ITCH: variants seen among roughly 807,000 people sequenced by gnomAD.
ITCH encodes the protein E3 ubiquitin-protein ligase Itchy homolog.
In ITCH, 28 loss-of-function variants were observed where a neutral mutation model predicts 126.8. The observed-to-expected ratio is 0.22, with a 90% CI of 0.16 to 0.30. The LOEUF is 0.30. Ranked by LOEUF, ITCH falls within the 10% of genes least tolerant of loss-of-function variation. The pLI is 1.00. For synonymous variants in ITCH, 342 were observed against 340.0 expected (o/e 1.01, Z -0.06); for missense variants, 631 against 1,032.4 (o/e 0.61, Z 5.33).
intron 22 of ITCH, among the ~76,000 whole-genome samples, chr20:34,491,387 A>G (rs1600485884): frequency 6.6e-6 from 1 of 152,238 alleles, no homozygotes; most frequent in Non-Finnish European, 1.5e-5. Context: ...ATGGGTTACC[A>G]GAAGTTGCAG....
chr20:34,397,893 T>G (rs370434859), intron 3 of ITCH, among the ~76,000 whole-genome samples: 1 of 152,180 alleles, frequency 6.6e-6, no homozygotes, highest in African/African-American at 2.4e-5. Flanking sequence ...ATACATTTTA[T>G]TTTTTACTGA....
chr20:34,455,615 G>A (rs922315358), intron 12 of ITCH, among the ~76,000 whole-genome samples: 2 of 148,186 alleles, frequency 1.3e-5, no homozygotes, highest in East Asian at 2.0e-4. Flanking sequence ...GGTGCACACC[G>A]CCATGCCTGG....
chr20:34,419,603 C>T (rs772081367), intron 6 of ITCH, among the ~76,000 whole-genome samples: 5 of 152,134 alleles, frequency 3.3e-5, no homozygotes, highest in South Asian at 2.1e-4. Flanking sequence ...CTCAGCCTCC[C>T]GAGTAGTTGG....
At chr20:34,503,609 A>T (rs190185182) in intron 23 of ITCH, among the ~76,000 whole-genome samples, 1 of 152,186 alleles carries the variant, frequency 6.6e-6, no homozygotes, top group South Asian at 2.1e-4. Context: ...TTGTCTTTCA[A>T]ACTACTAAAA....
intron 2 of ITCH, among the ~76,000 whole-genome samples, chr20:34,389,361 T>A (rs1303102406): frequency 6.6e-6 from 1 of 152,208 alleles, no homozygotes; most frequent in South Asian, 2.1e-4. Context: ...TAAGTGGATC[T>A]GTGCAGTTCA....
chr20:34,419,574 G>C (rs769813908), intron 6 of ITCH, among the ~76,000 whole-genome samples: 2 of 151,948 alleles, frequency 1.3e-5, no homozygotes, highest in Non-Finnish European at 2.9e-5. Flanking sequence ...CTCCTTCCGG[G>C]TTCAGGCAAT....
chr20:34,467,696 T>G (rs1200465516), intron 14 of ITCH, among the ~76,000 whole-genome samples: 1 of 145,268 alleles, frequency 6.9e-6, no homozygotes, highest in Non-Finnish European at 1.5e-5. Flanking sequence ...TTTTTTTTTT[T>G]TTTTTTGAGA....
At chr20:34,451,758 A>G (rs908596786) in intron 12 of ITCH, among the ~76,000 whole-genome samples, 1 of 152,112 alleles carries the variant, frequency 6.6e-6, no homozygotes, top group African/African-American at 2.4e-5. Flanking sequence ...TCCAAAGGAT[A>G]TGTATTTATC....
At position 34,476,262 on chromosome 20, in the gene ITCH, A is replaced by G. The variant is rs1988207345; in HGVS notation, c.1570-1510A>G. 3 of 824,350 alleles carry G rather than the reference A, an allele frequency of 3.6e-6. No homozygotes were observed. In the South Asian group the frequency reaches 4.0e-5, roughly 11 times the overall value. The allele number at this position is 824,350 out of a possible 1,614,324, so 51.1% of individuals were successfully genotyped here. A position where few individuals can be genotyped will look rare whatever the true frequency, so the allele number is the denominator to read the frequency against. On this transcript the variant is annotated intron_variant, in intron 16 of 24. Coordinates refer to ENST00000374864, the MANE Select transcript of ITCH (RefSeq NM_031483.7). The stretch of plus-strand genomic sequence containing the variant: ...TTAATGTTTCACCATCACAGTTTAT[A>G]AAGTGGACTGTCACTTTATCTTCTG...
intron 23 of ITCH, among the ~76,000 whole-genome samples, chr20:34,501,598 A>G (rs912082694): frequency 6.6e-6 from 1 of 152,132 alleles, no homozygotes; most frequent in African/African-American, 2.4e-5. Flanking sequence ...CAACATGGAG[A>G]AACCGTATCT....
intron 16 of ITCH, among the ~76,000 whole-genome samples, chr20:34,473,478 C>G (rs1172873311): frequency 6.6e-6 from 1 of 152,136 alleles, no homozygotes; most frequent in Non-Finnish European, 1.5e-5. Context: ...AATGGCGCCA[C>G]CTGGGGCTGT....
chr20:34,445,486 C>T (rs754486287), intron 11 of ITCH, 25 bp downstream of exon 11: 12 of 1,608,130 alleles, frequency 7.5e-6, no homozygotes, highest in African/African-American at 1.3e-5. Flanking sequence ...GTTTAATAAA[C>T]TAATAAGAGT....
intron 9 of ITCH, 24 bp downstream of exon 9, chr20:34,440,368 T>C: frequency 6.4e-7 from 1 of 1,550,756 alleles, no homozygotes; most frequent in South Asian, 1.1e-5. Context: ...TAAATTAACA[T>C]ATGTTGTCTT....
chr20:34,408,055 A>G (rs895605820), intron 3 of ITCH, among the ~76,000 whole-genome samples: 1 of 152,158 alleles, frequency 6.6e-6, no homozygotes, highest in African/African-American at 2.4e-5. Context: ...CCACCTGAGT[A>G]GCTGAGATTA....
chr20:34,481,290 T>C, intron 20 of ITCH, 84 bp downstream of exon 20: 1 of 1,367,152 alleles, frequency 7.3e-7, no homozygotes, highest in South Asian at 1.2e-5. Flanking sequence ...GGAGAGTATC[T>C]CCAAAAATAG....
intron 3 of ITCH, among the ~76,000 whole-genome samples, chr20:34,400,016 G>T (rs575509802): frequency 6.6e-6 from 1 of 151,886 alleles, no homozygotes; most frequent in East Asian, 1.9e-4. Context: ...TTGGCTCACT[G>T]CAACCTCTGA....
At chr20:34,495,294 AATAT>A (rs56706640) in intron 23 of ITCH, among the ~76,000 whole-genome samples, 228 of 120,498 alleles carry the variant, frequency 1.9e-3, no homozygotes, top group Non-Finnish European at 2.9e-3. Flanking sequence ...AAATAAATAA[AATAT>A]ATATATATAT....
intron 12 of ITCH, among the ~76,000 whole-genome samples, chr20:34,451,980 G>C (rs146002169): frequency 6.7e-6 from 1 of 149,986 alleles, no homozygotes; most frequent in Non-Finnish European, 1.5e-5. Flanking sequence ...GAGGTGGGAG[G>C]ATCACCTGAG....
chr20:34,423,273 T>C (rs1262441075), intron 6 of ITCH, among the ~76,000 whole-genome samples: 2 of 152,194 alleles, frequency 1.3e-5, no homozygotes, highest in Admixed American at 1.3e-4. Context: ...ATAATTCCAT[T>C]GTATAGACAA....
Sources: allele counts gnomAD v4.1 joint callset (sites outside exome capture counted in the v4.1 genomes callset), GRCh38; gene constraint gnomAD v4.1.1; transcripts MANE v1.5; gene names NCBI Gene and HGNC (gene_info 2026-07-23, HGNC 2026-07-21).